The following KIF15 variants were observed in gnomAD, a reference collection of about 807,000 sequenced individuals.
KIF15 encodes the protein kinesin family member 15, also known as kinesin-like protein KIF15.
Under a neutral mutation model 190.6 loss-of-function variants are expected in KIF15, and 140 were observed. The ratio of observed to expected loss-of-function variants is 0.73; its 90% CI spans 0.64 to 0.84. KIF15 has a LOEUF of 0.84. Among genes scored for constraint, KIF15 ranks in the 40% least tolerant of loss-of-function variants. The pLI is 0.00. For synonymous variants in KIF15, 528 were observed against 551.3 expected, an observed-to-expected ratio of 0.96 and a Z score of 0.59; for missense variants, 1,372 against 1,584.4, an observed-to-expected ratio of 0.87 and a Z score of 2.28.
At chr3:44,786,801 T>C (rs1706429312) in intron 7 of KIF15, among the ~76,000 whole-genome samples, 1 of 152,142 alleles carries the variant, frequency 6.6e-6, no homozygotes, top group Admixed American at 6.5e-5. Flanking sequence ...GATGATACAT[T>C]GTATCATCAG....
intron 20 of KIF15, 85 bp from the exon 21 acceptor site, chr3:44,825,954 G>A (rs1460839295): frequency 3.3e-6 from 4 of 1,209,456 alleles, no homozygotes; most frequent in Non-Finnish European, 4.6e-6. Context: ...GGCTGTAGAT[G>A]AGATAAATTG....
chr3:44,767,056 C>T lies in KIF15; in HGVS notation c.19+5172C>T, dbSNP rs148912300. 3.5e-3 allele frequency among the ~76,000 whole-genome samples: 537 copies of T among 152,104 alleles called. 1 individual carries two copies. Among genetic ancestry groups the T allele is most frequent in the African/African-American group, 0.013 (520 of 41,492 alleles). ...CGATCTCCTGACCTCGTGATCCGCC[C>T]GCTTCGGCCTCCCAAAGTACTGGGA... On this transcript the variant is annotated intron_variant, in intron 1 of 34. Coordinates refer to ENST00000326047, the MANE Select transcript of KIF15 (RefSeq NM_020242.3).
chr3:44,766,333 G>T (rs1031645474), intron 1 of KIF15, among the ~76,000 whole-genome samples: 1 of 152,178 alleles, frequency 6.6e-6, no homozygotes, highest in Non-Finnish European at 1.5e-5. Flanking sequence ...TTGTGGGGAA[G>T]GTGGGGAGTG....
At chr3:44,802,722 C>A in intron 13 of KIF15, 92 bp from the exon 14 acceptor site, 2 of 1,275,056 alleles carry the variant, frequency 1.6e-6, no homozygotes, top group Non-Finnish European at 2.1e-6. Flanking sequence ...AGTGCATGTG[C>A]ATACCTAGTT....
chr3:44,851,267 A>C (rs914523149), intron 32 of KIF15, among the ~76,000 whole-genome samples: 3 of 151,906 alleles, frequency 2.0e-5, no homozygotes, highest in Non-Finnish European at 1.5e-5. Flanking sequence ...CCCTGTCCCT[A>C]AAGGGGGGTG....
Position 44,804,735 on chromosome 3 carries a change from ACTTTT to A in KIF15, c.1688-290_1688-286del, listed in dbSNP as rs539933055. 6.9e-3 allele frequency among the ~76,000 whole-genome samples: 1,048 copies of A among 152,190 alleles called. 9 individuals carry two copies. The highest frequency in any genetic ancestry group is 8.5e-3 in the Non-Finnish European group (578 of 68,006). ...GGGCTCGCTTTCCAACCCATTTCTC[ACTTTT>A]CCTCCTTGTGGCCCAAAATTGATAC... On this transcript the variant is annotated intron_variant, in intron 14 of 34. Transcript: ENST00000326047.
At chr3:44,848,166 T>C (rs1698933660) in intron 31 of KIF15, 109 bp downstream of exon 31, 1 of 682,668 alleles carries the variant, frequency 1.5e-6, no homozygotes, top group African/African-American at 1.8e-5. Context: ...AATTCCTGTC[T>C]TTTCTGCATT....
At chr3:44,843,343 C>G (rs1205417323) in intron 30 of KIF15, 109 bp downstream of exon 30, 1 of 675,870 alleles carries the variant, frequency 1.5e-6, no homozygotes, top group Non-Finnish European at 2.5e-6. Context: ...CAATGTTTCC[C>G]ACTAATCCAG....
In KIF15 at chr3:44,786,526, T is replaced by C. The variant is rs1706415626; in HGVS notation, c.591T>C (p.Val197=). 1 of 1,613,182 alleles carries C rather than the reference T, an allele frequency of 6.2e-7. No individual in the cohort carries two copies. Among genetic ancestry groups the C allele is most frequent in the Non-Finnish European group, 8.5e-7 (1 of 1,179,366 alleles). ...AGCATATCAAGAAGGGAGTCTTTGTTGTTGGTGCGGTGGAGCAGGTGGTAA... is the reference window on the plus strand; with the variant it reads ...AGCATATCAAGAAGGGAGTCTTTGTCGTTGGTGCGGTGGAGCAGGTGGTAA... The part of the protein sequence containing the change: ...LREHIKKGVF[V]VGAVEQVVTS... The change falls in exon 7 of 35, where the codon GTT becomes GTC. Residue 197 remains valine, a synonymous_variant. Transcript: ENST00000326047.
chr3:44,866,921 C>T (rs1699328457), intron 6 of KIF15, among the ~76,000 whole-genome samples: 1 of 152,224 alleles, frequency 6.6e-6, no homozygotes, highest in Non-Finnish European at 1.5e-5. Context: ...GCCTTGGGTT[C>T]CCTTTACCTT....
At chr3:44,796,110 T>A (rs1026422542) in intron 8 of KIF15, among the ~76,000 whole-genome samples, 5 of 152,152 alleles carry the variant, frequency 3.3e-5, no homozygotes, top group Non-Finnish European at 7.4e-5. Flanking sequence ...TGATCCACCC[T>A]CCTTGGCCTC....
At position 44,803,167 on chromosome 3, in the gene KIF15, A is replaced by G. The variant is rs113714588; in HGVS notation, c.1687+176A>G. Among the ~76,000 whole-genome samples the G allele has an allele frequency of 5.9e-5, 9 of 152,328 alleles. 1 individual carries two copies. Among genetic ancestry groups the G allele is most frequent in the East Asian group, 1.9e-4 (1 of 5,192 alleles). Reference sequence around the variant, plus strand: ...ATTTACTAAACTTTTCTTTTTCTCAAAAATCACAGAGCATAAACTACGTAA... The same window carrying G: ...ATTTACTAAACTTTTCTTTTTCTCAGAAATCACAGAGCATAAACTACGTAA... On this transcript the variant is annotated intron_variant, in intron 14 of 34. Transcript: ENST00000326047.
intron 26 of KIF15, among the ~76,000 whole-genome samples, chr3:44,836,009 G>A (rs1483039521): frequency 6.6e-6 from 1 of 152,114 alleles, no homozygotes; most frequent in African/African-American, 2.4e-5. Context: ...AGTAGTTCAA[G>A]TCCAGCCTGG....
chr3:44,855,545 G>A (rs1050610601), downstream of KIF15, among the ~76,000 whole-genome samples: 11 of 152,214 alleles, frequency 7.2e-5, no homozygotes, highest in Admixed American at 2.0e-4. Flanking sequence ...TTGGAGTGGC[G>A]AAAAATTTTG....
chr3:44,864,346 G>A, intron 6 of KIF15: 1 of 1,614,134 alleles, frequency 6.2e-7, no homozygotes. Flanking sequence ...TCAGCTCGGT[G>A]AGTAGCCTGA....
intron 7 of KIF15, among the ~76,000 whole-genome samples, chr3:44,787,174 G>T (rs2125918074): frequency 6.6e-6 from 1 of 152,294 alleles, no homozygotes; most frequent in Non-Finnish European, 1.5e-5. Context: ...GGTATCACCA[G>T]TACTATCCGA....
chr3:44,846,853 G>C (rs926002426), intron 30 of KIF15, among the ~76,000 whole-genome samples: 9 of 149,682 alleles, frequency 6.0e-5, no homozygotes, highest in Non-Finnish European at 1.0e-4. Context: ...AACCTTCTTT[G>C]TGAAAAATTA....
At chr3:44,800,550 CTCTT>C in intron 11 of KIF15, 113 bp downstream of exon 11, 1 of 1,053,744 alleles carries the variant, frequency 9.5e-7, no homozygotes, top group Non-Finnish European at 1.4e-6. Context: ...CTGCAGGTAT[CTCTT>C]TCTGCTTATT....
chr3:44,766,811 T>TTTC (rs1559517336), intron 1 of KIF15, among the ~76,000 whole-genome samples: 3 of 133,996 alleles, frequency 2.2e-5, no homozygotes, highest in African/African-American at 8.3e-5. Context: ...TTCTTTCTTT[T>TTTC]TTTTTTTTTT....
Sources: allele counts gnomAD v4.1 joint callset (sites outside exome capture counted in the v4.1 genomes callset), GRCh38; gene constraint gnomAD v4.1.1; transcripts MANE v1.5; gene names NCBI Gene and HGNC (gene_info 2026-07-23, HGNC 2026-07-21).